COL19A1: variants seen among roughly 807,000 people sequenced by gnomAD.
COL19A1 encodes collagen alpha-1(XIX) chain.
COL19A1 carries 159 observed loss-of-function variants against 190.2 expected under a neutral mutation model. The observed-to-expected ratio is 0.84, with a 90% CI of 0.73 to 0.95. The LOEUF (loss-of-function observed/expected upper bound fraction) is 0.95, where lower values mean the gene tolerates loss of function less well. Ranked by LOEUF, COL19A1 falls within the 40% of genes least tolerant of loss-of-function variation. COL19A1 has a pLI of 0.00. For missense variants in COL19A1, 1,418 were observed against 1,431.9 expected (o/e 0.99, Z 0.16); for synonymous variants, 509 against 458.9 (o/e 1.11, Z -1.39).
chr6:69,893,016 G>A (rs1456321293), intron 2 of COL19A1, among the ~76,000 whole-genome samples: 4 of 152,160 alleles, frequency 2.6e-5, no homozygotes, highest in African/African-American at 7.2e-5. Context: ...TACAAATTTT[G>A]TTCATAGGAG....
At chr6:69,978,129 G>A (rs976359383) in intron 11 of COL19A1, among the ~76,000 whole-genome samples, 4 of 86,076 alleles carry the variant, frequency 4.6e-5, no homozygotes, top group Non-Finnish European at 1.0e-4. Flanking sequence ...TTCCTGAGAA[G>A]AGGAGTAAGA....
intron 11 of COL19A1, among the ~76,000 whole-genome samples, chr6:69,975,448 C>A (rs59707679): frequency 0.12 from 17,667 of 152,178 alleles, 1,268 homozygotes; most frequent in East Asian, 0.21. Flanking sequence ...ATGTCTTCAC[C>A]TGTGAAAGAG....
At chr6:70,194,712 TG>T (rs2150301665) in intron 48 of COL19A1, among the ~76,000 whole-genome samples, 1 of 152,274 alleles carries the variant, frequency 6.6e-6, no homozygotes, top group South Asian at 2.1e-4. Context: ...GCTATTACAC[TG>T]TCCTATTATG....
intron 9 of COL19A1, 44 bp downstream of exon 9, chr6:69,938,144 A>T (rs1333980769): frequency 1.9e-6 from 3 of 1,560,134 alleles, no homozygotes; most frequent in Non-Finnish European, 2.6e-6. Flanking sequence ...GGGTTTTGTT[A>T]AAAAATGACT....
At chr6:69,957,868 GT>G (rs1273886667) in intron 9 of COL19A1, among the ~76,000 whole-genome samples, 3 of 152,164 alleles carry the variant, frequency 2.0e-5, no homozygotes, top group Non-Finnish European at 2.9e-5. Flanking sequence ...GACTTCTTCT[GT>G]TGACATAAGG....
intron 2 of COL19A1, 61 bp downstream of exon 2, chr6:69,879,719 A>G (rs1009817977): frequency 5.5e-6 from 8 of 1,455,044 alleles, no homozygotes; most frequent in Non-Finnish European, 7.7e-6. Context: ...AAGTCATTAA[A>G]ACAAATCTTG....
chr6:70,040,166 A>T lies in COL19A1; in HGVS notation c.1170+4227A>T, dbSNP rs543771262. On this transcript the variant is annotated intron_variant, in intron 14 of 50. Transcript: ENST00000620364. ...ACATAGAACCAGTTCATCAAAAAAA[A>T]TCTGATATGTAAAACCATCTATTTC... is the stretch of plus-strand genomic sequence containing the variant. 4.6e-5 allele frequency among the ~76,000 whole-genome samples: 7 copies of T among 152,240 alleles called. No individual in the cohort carries two copies. The East Asian group carries it at 1.3e-3, about 29-fold the overall frequency.
intron 33 of COL19A1, 125 bp downstream of exon 33, chr6:70,156,494 G>GGAGAGA (rs151040381): frequency 3.5e-6 from 3 of 851,520 alleles, no homozygotes; most frequent in African/African-American, 3.6e-5. Context: ...GTATGTATAT[G>GGAGAGA]GAGAGAGAGA....
intron 34 of COL19A1, among the ~76,000 whole-genome samples, chr6:70,158,797 A>G (rs1787597853): frequency 6.6e-6 from 1 of 152,120 alleles, no homozygotes; most frequent in African/African-American, 2.4e-5. Context: ...CATAGCTCCA[A>G]TGGTCTCCAA....
At chr6:70,035,573 G>C (rs1779309718) in intron 13 of COL19A1, among the ~76,000 whole-genome samples, 1 of 152,130 alleles carries the variant, frequency 6.6e-6, no homozygotes, top group Non-Finnish European at 1.5e-5. Flanking sequence ...ACACTTCCCA[G>C]CTGCTTCATT....
intron 11 of COL19A1, among the ~76,000 whole-genome samples, chr6:70,009,509 A>C (rs1032637387): frequency 2.6e-5 from 4 of 152,146 alleles, no homozygotes; most frequent in Non-Finnish European, 1.5e-5. Flanking sequence ...AGTATTATTA[A>C]GGTGACAGTT....
intron 19 of COL19A1, 35 bp downstream of exon 19, chr6:70,137,782 A>G (rs747796450): frequency 3.1e-5 from 50 of 1,602,792 alleles, no homozygotes; most frequent in East Asian, 4.5e-5. Context: ...GAGGAAGAAT[A>G]TCTAAAAAAC....
chr6:69,988,171 C>T (rs1282895242), intron 11 of COL19A1, among the ~76,000 whole-genome samples: 1 of 152,144 alleles, frequency 6.6e-6, no homozygotes, highest in Non-Finnish European at 1.5e-5. Context: ...TTTCCCCATT[C>T]TTATATGTTC....
intron 5 of COL19A1, among the ~76,000 whole-genome samples, chr6:69,929,212 T>A (rs1772593770): frequency 1.3e-5 from 2 of 151,706 alleles, no homozygotes; most frequent in African/African-American, 4.8e-5. Context: ...AGGAGCATAT[T>A]ACATTCACCA....
intron 37 of COL19A1, among the ~76,000 whole-genome samples, 195 bp downstream of exon 37, chr6:70,166,180 C>A (rs1765137652): frequency 6.6e-6 from 1 of 152,172 alleles, no homozygotes; most frequent in Non-Finnish European, 1.5e-5. Flanking sequence ...ATGTGCAATG[C>A]TCAGATTGGC....
intron 15 of COL19A1, among the ~76,000 whole-genome samples, chr6:70,087,877 G>A (rs1782676578): frequency 6.6e-6 from 1 of 152,196 alleles, no homozygotes; most frequent in Admixed American, 6.5e-5. Flanking sequence ...CGGCACTAGA[G>A]AGCACATGCT....
intron 25 of COL19A1, among the ~76,000 whole-genome samples, chr6:70,145,745 G>C (rs1228601805): frequency 9.2e-6 from 1 of 108,472 alleles, no homozygotes. Context: ...TTTTGAGACA[G>C]GGTCTTAATC....
At chr6:69,871,599 G>A (rs566251640) in intron 1 of COL19A1, among the ~76,000 whole-genome samples, 2 of 151,708 alleles carry the variant, frequency 1.3e-5, no homozygotes, top group Admixed American at 1.3e-4. Flanking sequence ...CTTTTTTCAT[G>A]GTTCCTTTCC....
At chr6:69,907,228 C>G (rs1770617720) in intron 4 of COL19A1, among the ~76,000 whole-genome samples, 1 of 150,880 alleles carries the variant, frequency 6.6e-6, no homozygotes, top group South Asian at 2.1e-4. Flanking sequence ...CTCCCGGTTT[C>G]AAACGATTCT....
Sources: gnomAD v4.1 joint callset for allele counts (sites outside exome capture counted in the v4.1 genomes callset) on GRCh38, gnomAD v4.1.1 for gene constraint, MANE v1.5 for transcripts, NCBI Gene and HGNC (gene_info 2026-07-23, HGNC 2026-07-21) for gene names.